ZNF324B: variants seen among roughly 807,000 people sequenced by gnomAD.
ZNF324B encodes the protein zinc finger protein 324B.
Under a neutral mutation model 10.6 loss-of-function variants are expected in ZNF324B, and 7 were observed. The observed-to-expected ratio is 0.66, with a 90% CI of 0.38 to 1.24. ZNF324B has a LOEUF of 1.24. ZNF324B is among the 50% of genes most tolerant of loss of function. The pLI is 0.02. For missense variants in ZNF324B, 640 were observed against 764.7 expected (o/e 0.84, Z 1.92); for synonymous variants, 316 against 321.0 (o/e 0.98, Z 0.17).
At chr19:58,446,334 G>A in the ZNF324B span, among the ~76,000 whole-genome samples, 12 of 152,270 alleles carry the variant, frequency 7.9e-5, no homozygotes, top group African/African-American at 1.4e-4. Flanking sequence ...TTTGCAACCC[G>A]CTGAGGGACC....
At chr19:58,435,742 C>T in the ZNF324B span, 1 of 155,834 alleles carries the variant, frequency 6.4e-6, no homozygotes. Context: ...AAAACATCCA[C>T]ACAAAAATGT....
upstream of ZNF324B, among the ~76,000 whole-genome samples, chr19:58,448,687 A>G (rs2052838060): frequency 6.6e-6 from 1 of 152,218 alleles, no homozygotes; most frequent in Non-Finnish European, 1.5e-5. Context: ...AGATTGCAAC[A>G]CTGCCCTGCA....
At chr19:58,439,959 T>TAC in the ZNF324B span, 1 of 849,868 alleles carries the variant, frequency 1.2e-6, no homozygotes, top group East Asian at 3.0e-5. Context: ...GAAGGCTGGG[T>TAC]ATGGAGACCC....
chr19:58,456,614 T>G lies in ZNF324B; in HGVS notation c.*35T>G. ...TCGCAGCCCAACCCTTTCTTGGCCT[T>G]CTGTGAATCCCTTCCACAGCTAAAG... On this transcript the variant is annotated 3_prime_UTR_variant, in exon 4 of 4. Coordinates refer to ENST00000336614, the MANE Select transcript of ZNF324B (RefSeq NM_207395.3). This position sits in a 1 kb window ranked among gnomAD's most constrained non-coding sequence, Gnocchi z 4.7. The G allele has an allele frequency of 6.3e-7, 1 of 1,592,832 alleles. No homozygotes were observed. The highest frequency in any genetic ancestry group is 1.3e-5 in the African/African-American group (1 of 74,604).
At chr19:58,446,360 C>A in the ZNF324B span, among the ~76,000 whole-genome samples, 16 of 152,138 alleles carry the variant, frequency 1.1e-4, no homozygotes, top group Admixed American at 1.0e-3. Flanking sequence ...AGAGCTATCA[C>A]ACCACTGGGT....
intron 3 of ZNF324B, 82 bp downstream of exon 3, chr19:58,454,426 C>A: frequency 1.1e-6 from 1 of 884,956 alleles, no homozygotes; most frequent in Non-Finnish European, 1.9e-6. Flanking sequence ...TCTGGAAACA[C>A]ATCCTCCTCT....
Position 58,455,210 on chromosome 19 carries a change from A to G in ZNF324B, c.266A>G (p.Asp89Gly). Reference protein sequence around the residue: ...SGSWSLTEDRDVSGEWPRAFP... With the variant: ...SGSWSLTEDRGVSGEWPRAFP... ...TCCTGGAGTTTGACAGAGGATAGAG[A>G]TGTTTCTGGAGAATGGCCACGAGCT... The change falls in exon 4 of 4, where the codon GAT (aspartate) becomes GGT (glycine). Residue 89 changes from aspartate to glycine, a missense_variant. Asp to Gly is a moderately conservative substitution (Grantham distance 94). This residue lies in a region of ZNF324B where 345 missense variants were observed against 387.9 expected (regional missense o/e 0.89). Coordinates refer to ENST00000336614, the MANE Select transcript of ZNF324B (RefSeq NM_207395.3). This position sits in a 1 kb window ranked among gnomAD's most constrained non-coding sequence, Gnocchi z 7.0. 1 of 1,614,060 alleles carries G rather than the reference A, an allele frequency of 6.2e-7. No homozygotes were observed. Among genetic ancestry groups the G allele is most frequent in the Middle Eastern group, 1.7e-4 (1 of 6,060 alleles).
At chr19:58,433,799 C>T in the ZNF324B span, 43 of 1,614,076 alleles carry the variant, frequency 2.7e-5, no homozygotes, top group Non-Finnish European at 3.6e-5. Flanking sequence ...AAGGCTTTCC[C>T]ACACTCACTA....
At chr19:58,429,234 C>T in the ZNF324B span, 1 of 152,226 alleles carries the variant, frequency 6.6e-6, no homozygotes, top group Non-Finnish European at 1.5e-5. Context: ...CTCACCAACT[C>T]TGATGCAGGT....
intron 1 of ZNF324B, 186 bp downstream of exon 1, chr19:58,451,890 G>C (rs1315872713): frequency 1.6e-5 from 4 of 254,108 alleles, no homozygotes; most frequent in South Asian, 6.4e-5. Context: ...CGGGGCAGCC[G>C]CGGGAGGCTG....
the ZNF324B span, chr19:58,440,132 G>A: frequency 2.4e-6 from 1 of 412,946 alleles, no homozygotes. Context: ...CAACCCACCA[G>A]CAGCAAAATG....
chr19:58,418,510 T>G, the ZNF324B span: 1 of 151,884 alleles, frequency 6.6e-6, no homozygotes, highest in Non-Finnish European at 1.5e-5. Context: ...TTTTTTTCAT[T>G]TGTGGACAGG....
upstream of ZNF324B, among the ~76,000 whole-genome samples, chr19:58,450,463 T>TG (rs1169745500): frequency 3.1e-5 from 2 of 63,608 alleles, no homozygotes; most frequent in African/African-American, 1.4e-4. Context: ...AGACCCTGTC[T>TG]CAAAAAAAAA....
At chr19:58,433,855 A>G in the ZNF324B span, 2 of 1,614,230 alleles carry the variant, frequency 1.2e-6, no homozygotes, top group East Asian at 2.2e-5. Flanking sequence ...GTGCTGAATC[A>G]GGCTGGAGCT....
At chr19:58,427,493 C>CCTTCCTTT in the ZNF324B span, among the ~76,000 whole-genome samples, 1 of 105,194 alleles carries the variant, frequency 9.5e-6, no homozygotes, top group South Asian at 2.8e-4. Flanking sequence ...TTCCTTCCTT[C>CCTTCCTTT]CTTTCTTTCT....
the ZNF324B span, chr19:58,435,084 C>G: frequency 6.2e-7 from 1 of 1,614,126 alleles, no homozygotes; most frequent in Non-Finnish European, 8.5e-7. Context: ...TCAAGAATGG[C>G]CCACACATGT....
the ZNF324B span, among the ~76,000 whole-genome samples, chr19:58,428,437 A>G: frequency 1.5e-3 from 234 of 152,266 alleles, no homozygotes; most frequent in African/African-American, 4.6e-3. Flanking sequence ...TGACTCCACC[A>G]TATTGTCTCC....
At chr19:58,425,472 CTT>C in the ZNF324B span, among the ~76,000 whole-genome samples, 14 of 135,184 alleles carry the variant, frequency 1.0e-4, no homozygotes, top group Admixed American at 2.3e-4. Context: ...TCCTTCTTTC[CTT>C]TTTTTTTTTT....
the ZNF324B span, chr19:58,434,042 A>C: frequency 6.2e-7 from 1 of 1,614,154 alleles, no homozygotes; most frequent in Non-Finnish European, 8.5e-7. Flanking sequence ...CTTTGGCTGA[A>C]GTCTCTTCCA....
Sources: gnomAD v4.1 joint callset for allele counts (sites outside exome capture counted in the v4.1 genomes callset) on GRCh38, gnomAD v4.1.1 for gene constraint, gnomAD v4.1.1 regional missense constraint, Gnocchi (gnomAD v3.1) non-coding constraint, MANE v1.5 for transcripts, NCBI Gene and HGNC (gene_info 2026-07-23, HGNC 2026-07-21) for gene names.